Variants in YJU2 observed in about 807,000 individuals in gnomAD.
The protein encoded by YJU2 is YJU2 splicing factor homolog, also known as splicing factor YJU2.
A neutral mutation model predicts 39.6 loss-of-function variants in YJU2; 28 were observed. The observed-to-expected ratio is 0.71, with a 90% CI of 0.52 to 0.97. The LOEUF is 0.97. Ranked by LOEUF, YJU2 falls within the 50% of genes least tolerant of loss-of-function variation. The pLI, the probability that YJU2 is intolerant of heterozygous loss-of-function variation, is 0.00. For missense variants in YJU2, 328 were observed against 430.4 expected (o/e 0.76, Z 2.11); for synonymous variants, 184 against 182.4 (o/e 1.01, Z -0.07).
At chr19:4,253,723 C>T (rs1970996562) in intron 3 of YJU2, among the ~76,000 whole-genome samples, 1 of 152,132 alleles carries the variant, frequency 6.6e-6, no homozygotes, top group Non-Finnish European at 1.5e-5. Context: ...TAAACAAAAA[C>T]AGGGGCATGC....
intron 5 of YJU2, among the ~76,000 whole-genome samples, chr19:4,259,151 C>T (rs572203891): frequency 4.2e-5 from 5 of 119,842 alleles, no homozygotes; most frequent in African/African-American, 1.8e-4. Flanking sequence ...GGCGCCATCT[C>T]GCTCACTGCA....
intron 6 of YJU2, among the ~76,000 whole-genome samples, chr19:4,263,027 T>C (rs1971084804): frequency 6.8e-6 from 1 of 146,688 alleles, no homozygotes; most frequent in Middle Eastern, 3.6e-3. Flanking sequence ...CGAGCCGAGA[T>C]CGTGCCACTG....
rs1169478879 is a variant in YJU2 at position 4,254,477 on chromosome 19, C to A, written c.393C>A (p.Asn131Lys). ...VQKEREDEEL[N>K]NPMKVLENRT... ...AGGAGCGGGAGGACGAGGAGCTGAA[C>A]AACCCCATGAAGGTGAGTCGGGGGC... is the stretch of plus-strand genomic sequence containing the variant. The change falls in exon 4 of 8, where the codon AAC becomes AAA. Residue 131 changes from asparagine (N) to lysine (K), a missense_variant. Physicochemically the swap from Asn to Lys is moderately conservative, Grantham distance 94. Coordinates refer to ENST00000262962, the MANE Select transcript of YJU2 (RefSeq NM_018074.6). 2 of 1,601,270 alleles carry A rather than the reference C, an allele frequency of 1.2e-6. No homozygotes were observed. Among genetic ancestry groups the A allele is most frequent in the Non-Finnish European group, 8.5e-7 (1 of 1,173,220 alleles).
At position 4,254,503 on chromosome 19, in the gene YJU2, C is replaced by T; in HGVS notation, c.405+14C>T. On this transcript the variant is annotated intron_variant, in intron 4 of 7. Coordinates refer to ENST00000262962, the MANE Select transcript of YJU2 (RefSeq NM_018074.6). Reference sequence around the variant, plus strand: ...AACCCCATGAAGGTGAGTCGGGGGCCATGTAGGTGTTCATGGGCGCTGTGT... The same window carrying T: ...AACCCCATGAAGGTGAGTCGGGGGCTATGTAGGTGTTCATGGGCGCTGTGT... The T allele has an allele frequency of 1.2e-5, 19 of 1,569,292 alleles. No individual in the cohort carries two copies. The highest frequency in any genetic ancestry group is 1.6e-5 in the Non-Finnish European group (19 of 1,155,800).
chr19:4,254,783 C>T (rs559806170), intron 4 of YJU2, among the ~76,000 whole-genome samples: 3 of 151,944 alleles, frequency 2.0e-5, no homozygotes, highest in African/African-American at 4.8e-5. Context: ...TAACACTGGG[C>T]GCAGTGGCTC....
At chr19:4,258,762 T>G (rs1971045191) in intron 5 of YJU2, among the ~76,000 whole-genome samples, 1 of 152,170 alleles carries the variant, frequency 6.6e-6, no homozygotes. Flanking sequence ...CCTCATCCCC[T>G]AGCACCAGCC....
chr19:4,258,960 A>G (rs1971047325), intron 5 of YJU2, among the ~76,000 whole-genome samples: 1 of 151,160 alleles, frequency 6.6e-6, no homozygotes, highest in Non-Finnish European at 1.5e-5. Flanking sequence ...AGCCCGTCCC[A>G]TCCATGAGGG....
chr19:4,247,602 T>TGGC (rs1970935340), intron 1 of YJU2, among the ~76,000 whole-genome samples: 3 of 7,990 alleles, frequency 3.8e-4, no homozygotes, highest in East Asian at 2.6e-3. Context: ...TGTGTGTGTG[T>TGGC]GTGTGTGTGT....
intron 4 of YJU2, 109 bp from the exon 5 acceptor site, chr19:4,258,133 G>C: frequency 6.9e-7 from 1 of 1,452,648 alleles, no homozygotes; most frequent in Non-Finnish European, 9.2e-7. Flanking sequence ...GGATGGAAAC[G>C]TGGGGGTAGG....
At chr19:4,247,573 GGGGTGGC>G (rs769972001) in intron 1 of YJU2, among the ~76,000 whole-genome samples, 1,023 of 87,660 alleles carry the variant, frequency 0.012, 281 homozygotes, top group African/African-American at 0.09. Flanking sequence ...GGGGTGGGGT[GGGGTGGC>G]GCGTGTGTGT....
At chr19:4,252,286 C>T (rs1970983152) in intron 3 of YJU2, among the ~76,000 whole-genome samples, 1 of 138,614 alleles carries the variant, frequency 7.2e-6, no homozygotes, top group Non-Finnish European at 1.5e-5. Context: ...ATGATGAAAC[C>T]CCAACTCTAC....
intron 6 of YJU2, among the ~76,000 whole-genome samples, chr19:4,263,711 G>C (rs1971090817): frequency 3.3e-5 from 5 of 151,592 alleles, no homozygotes; most frequent in Admixed American, 1.3e-4. Flanking sequence ...TCGGGAGGCT[G>C]AGGCAGGAGA....
At chr19:4,266,967 C>A (rs994313767) in intron 6 of YJU2, among the ~76,000 whole-genome samples, 4 of 152,076 alleles carry the variant, frequency 2.6e-5, no homozygotes, top group Non-Finnish European at 4.4e-5. Flanking sequence ...ACCTTCCCCC[C>A]AAAAAAATTT....
In YJU2 at chr19:4,249,239, G is replaced by C. The variant is rs368087162; in HGVS notation, c.36G>C (p.Pro12=). Residue 12 remains proline, a synonymous_variant, in exon 2 of 8, where the codon CCG becomes CCC. Transcript: ENST00000262962. Reference sequence around the variant, plus strand: ...TTCCTCCCCTGCAGAAATACTACCCGCCGGACTTTGACCCATCAAAGATCC... The same window carrying C: ...TTCCTCCCCTGCAGAAATACTACCCCCCGGACTTTGACCCATCAAAGATCC... ...SERKVLNKYY[P]PDFDPSKIPK... 9.3e-6 allele frequency: 15 copies of C among 1,611,146 alleles called. No homozygotes were observed. The highest frequency in any genetic ancestry group is 5.0e-5 in the Admixed American group (3 of 59,672).
At chr19:4,252,408 C>G (rs1447132585) in intron 3 of YJU2, among the ~76,000 whole-genome samples, 1 of 150,710 alleles carries the variant, frequency 6.6e-6, no homozygotes, top group African/African-American at 2.5e-5. Flanking sequence ...ACCATCCTGG[C>G]TAACACAGTG....
intron 6 of YJU2, among the ~76,000 whole-genome samples, chr19:4,263,864 C>A (rs539632812): frequency 6.0e-5 from 9 of 150,456 alleles, no homozygotes; most frequent in African/African-American, 2.0e-4. Flanking sequence ...CCAGCATTTT[C>A]CACCACAGCT....
intron 6 of YJU2, among the ~76,000 whole-genome samples, chr19:4,267,409 C>A (rs777163139): frequency 2.0e-5 from 3 of 152,180 alleles, no homozygotes; most frequent in Non-Finnish European, 4.4e-5. Flanking sequence ...TCAGGAAGTG[C>A]CAGACCAGGC....
At chr19:4,265,889 G>T (rs112832315) in intron 6 of YJU2, among the ~76,000 whole-genome samples, 2,344 of 151,862 alleles carry the variant, frequency 0.015, 38 homozygotes, top group African/African-American at 0.04. Flanking sequence ...GTGTGCCTCT[G>T]TGCCTGGCCA....
chr19:4,261,146 G>A (rs1971067266), intron 5 of YJU2, among the ~76,000 whole-genome samples: 2 of 152,166 alleles, frequency 1.3e-5, no homozygotes, highest in South Asian at 4.1e-4. Context: ...CTCCTGCCTT[G>A]GCCTCTAAAG....
Sources: allele counts gnomAD v4.1 joint callset (sites outside exome capture counted in the v4.1 genomes callset), GRCh38; gene constraint gnomAD v4.1.1; transcripts MANE v1.5; gene names NCBI Gene and HGNC (gene_info 2026-07-23, HGNC 2026-07-21).